SIRT5: variants seen among roughly 807,000 people sequenced by gnomAD.
SIRT5 encodes sirtuin 5, also known as NAD-dependent protein deacylase sirtuin-5, mitochondrial.
SIRT5 carries 26 observed loss-of-function variants against 40.0 expected under a neutral mutation model. That is an observed-to-expected ratio of 0.65 (90% CI 0.48 to 0.90). SIRT5 has a LOEUF of 0.90. SIRT5 is among the 40% of genes least tolerant of loss of function. SIRT5 has a pLI of 0.00. For missense variants in SIRT5, 401 were observed against 402.4 expected (o/e 1.00, Z 0.03); for synonymous variants, 146 against 149.1 (o/e 0.98, Z 0.15).
chr6:13,596,451 C>T (rs568344817), intron 6 of SIRT5, among the ~76,000 whole-genome samples: 48 of 152,182 alleles, frequency 3.2e-4, no homozygotes, highest in Non-Finnish European at 6.0e-4. Flanking sequence ...CCAGCCCTCC[C>T]CACACATGCA....
chr6:13,592,941 G>A (rs1402440339), intron 5 of SIRT5, among the ~76,000 whole-genome samples: 1 of 147,792 alleles, frequency 6.8e-6, no homozygotes, highest in East Asian at 2.0e-4. Flanking sequence ...TAGCAATGGG[G>A]GTTTCACTCT....
intron 2 of SIRT5, among the ~76,000 whole-genome samples, chr6:13,581,246 C>T (rs952819965): frequency 1.3e-5 from 2 of 152,216 alleles, no homozygotes; most frequent in Non-Finnish European, 2.9e-5. Context: ...TCCCACGTAG[C>T]ATTTACTTGT....
chr6:13,609,891 A>G (rs1440132756), intron 9 of SIRT5, among the ~76,000 whole-genome samples: 2 of 152,166 alleles, frequency 1.3e-5, no homozygotes, highest in East Asian at 3.8e-4. Context: ...TTCAATGTCA[A>G]TTGTAATCTT....
intron 9 of SIRT5, among the ~76,000 whole-genome samples, chr6:13,609,236 C>A (rs1763524641): frequency 6.6e-6 from 1 of 152,174 alleles, no homozygotes; most frequent in Non-Finnish European, 1.5e-5. Context: ...CTAACCCAAT[C>A]CTCCTGTAGT....
At chr6:13,601,439 G>T (rs1762376653) in intron 9 of SIRT5, among the ~76,000 whole-genome samples, 5 of 152,168 alleles carry the variant, frequency 3.3e-5, no homozygotes, top group African/African-American at 1.2e-4. Flanking sequence ...GGGAAGTGTA[G>T]ATTGTCATAG....
At chr6:13,611,635 T>C (rs191757859) in intron 9 of SIRT5, among the ~76,000 whole-genome samples, 155 bp from the exon 10 acceptor site, 43 of 152,280 alleles carry the variant, frequency 2.8e-4, no homozygotes, top group Middle Eastern at 6.8e-3. Flanking sequence ...TAGAAGCTAG[T>C]TGAAAGAAGT....
chr6:13,593,837 C>T (rs778316715), intron 5 of SIRT5, among the ~76,000 whole-genome samples: 2 of 152,108 alleles, frequency 1.3e-5, no homozygotes, highest in Non-Finnish European at 2.9e-5. Flanking sequence ...GTATGATAAA[C>T]TGGTCCAAAT....
intron 8 of SIRT5, among the ~76,000 whole-genome samples, chr6:13,599,448 G>C (rs72829108): frequency 0.012 from 1,827 of 152,104 alleles, 17 homozygotes; most frequent in Non-Finnish European, 0.02. Flanking sequence ...ACATGCTATT[G>C]GTTTTTTAAA....
intron 4 of SIRT5, among the ~76,000 whole-genome samples, chr6:13,590,831 CTG>C (rs1430930286): frequency 7.0e-6 from 1 of 143,334 alleles, no homozygotes; most frequent in East Asian, 2.1e-4. Context: ...GTGTGTTTAG[CTG>C]TGTGTAGTGC....
At chr6:13,606,972 ACACTTGGC>A (rs1451610510) in intron 9 of SIRT5, among the ~76,000 whole-genome samples, 5 of 147,612 alleles carry the variant, frequency 3.4e-5, no homozygotes, top group Non-Finnish European at 7.4e-5. Flanking sequence ...GTGAGCCAAC[ACACTTGGC>A]CTGCTTTTTT....
rs1462844501 is a variant in SIRT5, at chr6:13,607,321, T to C, written c.858-4469T>C. 6.6e-6 allele frequency among the ~76,000 whole-genome samples: 1 copy of C among 152,010 alleles called. No homozygotes were observed. The highest frequency in any genetic ancestry group is 1.5e-5 in the Non-Finnish European group (1 of 67,986). On this transcript the variant is annotated intron_variant, in intron 9 of 9. Coordinates refer to ENST00000606117, the MANE Select transcript of SIRT5 (RefSeq NM_012241.5). This position sits in a 1 kb window ranked among gnomAD's most constrained non-coding sequence, Gnocchi z 4.0. ...GTTTTTGATATTTGTCTGTTTTTTT[T>C]TTTTCTTTTAAAGGAGAGCAAGAAC... is the stretch of plus-strand genomic sequence containing the variant.
chr6:13,574,296 G>C (rs1183866484), upstream of SIRT5, among the ~76,000 whole-genome samples: 1 of 152,088 alleles, frequency 6.6e-6, no homozygotes, highest in Non-Finnish European at 1.5e-5. Context: ...CGGCGCGCCC[G>C]CCTCCCGCAG....
At chr6:13,611,119 C>G (rs887405813) in intron 9 of SIRT5, among the ~76,000 whole-genome samples, 2 of 149,650 alleles carry the variant, frequency 1.3e-5, no homozygotes, top group Admixed American at 6.7e-5. Context: ...TAGCTGAGAT[C>G]CTAGTGGTCA....
intron 3 of SIRT5, among the ~76,000 whole-genome samples, chr6:13,587,448 G>A (rs1229245099): frequency 6.6e-6 from 1 of 152,202 alleles, no homozygotes; most frequent in Admixed American, 6.5e-5. Flanking sequence ...CCCATCATGA[G>A]TTCCAAGTCT....
intron 6 of SIRT5, among the ~76,000 whole-genome samples, chr6:13,595,994 AAAAC>A (rs753398518): frequency 4.0e-4 from 61 of 152,308 alleles, no homozygotes; most frequent in South Asian, 1.0e-3. Flanking sequence ...CCTGTCTCAA[AAAAC>A]AAACAAACAA....
intron 9 of SIRT5, among the ~76,000 whole-genome samples, 198 bp downstream of exon 9, chr6:13,601,147 G>A (rs1335803179): frequency 3.9e-5 from 6 of 152,136 alleles, no homozygotes; most frequent in Admixed American, 6.6e-5. Flanking sequence ...CATTGTATGC[G>A]AAATTTGCCG....
chr6:13,589,785 A>G (rs532329471), intron 4 of SIRT5, among the ~76,000 whole-genome samples: 9 of 152,296 alleles, frequency 5.9e-5, no homozygotes, highest in African/African-American at 1.9e-4. Flanking sequence ...TAGCAGCAGC[A>G]GAGGGTGGGA....
In SIRT5 at chr6:13,600,284, C is replaced by T. The variant is rs142368378; in HGVS notation, c.742-550C>T. Among the ~76,000 whole-genome samples, 396 of 152,260 alleles carry T rather than the reference C, an allele frequency of 2.6e-3. 2 individuals are homozygous for T. The highest frequency in any genetic ancestry group is 8.2e-3 in the African/African-American group (342 of 41,540). On this transcript the variant is annotated intron_variant, in intron 8 of 9. Transcript: ENST00000606117. ...CTTCCCAGTGTTGAGTATAGTGCCA[C>T]TGTTGATGATGGATTGTTAAATGAG...
At position 13,612,815 on chromosome 6, in the gene SIRT5, T is replaced by A. The variant is rs1473396058; in HGVS notation, c.*950T>A. On this transcript the variant is annotated 3_prime_UTR_variant, in exon 10 of 10. Transcript: ENST00000606117. ...CCAGGATAAACACAGCTGCCCAAAATTTAGCTCTGGCCCCCTTAGATGGGG... is the reference window on the plus strand; with the variant it reads ...CCAGGATAAACACAGCTGCCCAAAAATTAGCTCTGGCCCCCTTAGATGGGG... 6.6e-6 allele frequency: 1 copy of A among 152,230 alleles called. No individual in the cohort carries two copies. Among genetic ancestry groups the A allele is most frequent in the Non-Finnish European group, 1.5e-5 (1 of 68,084 alleles). The allele number at this position is 152,230 out of a possible 1,614,324, so 9.4% of individuals were successfully genotyped here.
Sources: gnomAD v4.1 joint callset for allele counts (sites outside exome capture counted in the v4.1 genomes callset) on GRCh38, gnomAD v4.1.1 for gene constraint, Gnocchi (gnomAD v3.1) non-coding constraint, MANE v1.5 for transcripts, NCBI Gene and HGNC (gene_info 2026-07-23, HGNC 2026-07-21) for gene names.